SLMAP: variants seen among roughly 807,000 people sequenced by gnomAD.
The protein encoded by SLMAP is sarcolemmal membrane-associated protein.
SLMAP carries 44 observed loss-of-function variants against 128.8 expected under a neutral mutation model. The observed-to-expected ratio is 0.34, with a 90% CI of 0.27 to 0.44. The LOEUF is 0.44. Ranked by LOEUF, SLMAP falls within the 20% of genes least tolerant of loss-of-function variation. The pLI is 1.00. For missense variants in SLMAP, 787 were observed against 985.3 expected, an observed-to-expected ratio of 0.80 and a Z score of 2.69; for synonymous variants, 327 against 348.8, an observed-to-expected ratio of 0.94 and a Z score of 0.70.
chr3:57,792,866 G>A (rs746164693), intron 2 of SLMAP, among the ~76,000 whole-genome samples: 2 of 152,022 alleles, frequency 1.3e-5, no homozygotes, highest in African/African-American at 2.4e-5. Flanking sequence ...GACCGGGTGC[G>A]GTGACTCACA....
chr3:57,862,638 CAAA>C (rs752561093), intron 10 of SLMAP, among the ~76,000 whole-genome samples: 1 of 96,406 alleles, frequency 1.0e-5, no homozygotes, highest in Non-Finnish European at 2.0e-5. Context: ...CTTCGTCTCA[CAAA>C]AAAAAAAAAA....
chr3:57,862,253 G>A (rs1452544720), intron 10 of SLMAP, among the ~76,000 whole-genome samples, 167 bp downstream of exon 10: 3 of 151,864 alleles, frequency 2.0e-5, no homozygotes, highest in Non-Finnish European at 4.4e-5. Context: ...AGGAGACGGA[G>A]GTTGCAGCGA....
chr3:57,791,166 G>T (rs923207696), intron 2 of SLMAP, among the ~76,000 whole-genome samples: 45 of 152,086 alleles, frequency 3.0e-4, no homozygotes, highest in African/African-American at 1.0e-3. Context: ...GGCCAGCCTG[G>T]CCAACATGGC....
chr3:57,843,284 C>G (rs377317088), intron 4 of SLMAP, among the ~76,000 whole-genome samples: 1 of 87,032 alleles, frequency 1.1e-5, no homozygotes, highest in East Asian at 2.7e-4. Context: ...GTTTTGTTTT[C>G]TTTTTTCTTT....
intron 6 of SLMAP, among the ~76,000 whole-genome samples, chr3:57,854,057 T>C (rs1450176786): frequency 2.5e-5 from 2 of 81,072 alleles, no homozygotes; most frequent in African/African-American, 8.6e-5. Flanking sequence ...ACACATAACA[T>C]ATATAACACA....
intron 2 of SLMAP, among the ~76,000 whole-genome samples, chr3:57,784,285 G>A (rs1431449217): frequency 6.6e-6 from 1 of 152,136 alleles, no homozygotes; most frequent in East Asian, 1.9e-4. Context: ...ACTGAGTCTA[G>A]GAAAGCTATA....
chr3:57,802,731 T>C (rs1414678496), intron 2 of SLMAP, among the ~76,000 whole-genome samples: 3 of 152,234 alleles, frequency 2.0e-5, no homozygotes, highest in Non-Finnish European at 2.9e-5. Context: ...TTATTTCAGC[T>C]AGACTATATT....
chr3:57,848,427 T>C (rs941640478), intron 5 of SLMAP, among the ~76,000 whole-genome samples: 12 of 151,532 alleles, frequency 7.9e-5, no homozygotes, highest in African/African-American at 2.2e-4. Flanking sequence ...TCTTCTTCCT[T>C]CTTTTTTCTT....
At position 57,928,735 on chromosome 3, in the gene SLMAP, C is replaced by T. The variant is rs2097043834; in HGVS notation, c.*1446C>T. ...TTCTGTGGCAATCCACAGGTCTAGC[C>T]AAATATTGAAATAGGAGTTTAGGGT... is the stretch of plus-strand genomic sequence containing the variant. On this transcript the variant is annotated 3_prime_UTR_variant, in exon 25 of 25. Coordinates refer to ENST00000671191, the MANE Select transcript of SLMAP (RefSeq NM_001377540.1). 6.6e-6 allele frequency: 1 copy of T among 152,098 alleles called. No individual in the cohort carries two copies. Among genetic ancestry groups the T allele is most frequent in the African/African-American group, 2.4e-5 (1 of 41,412 alleles). 9.4% of individuals were successfully genotyped at this position (152,098 alleles called of 1,614,324 possible). A position where few individuals can be genotyped will look rare whatever the true frequency, so the allele number is the denominator to read the frequency against.
chr3:57,869,830 C>A (rs1337447401), intron 13 of SLMAP, among the ~76,000 whole-genome samples: 3 of 150,872 alleles, frequency 2.0e-5, no homozygotes, highest in Non-Finnish European at 1.5e-5. Context: ...CTTAGGACAT[C>A]TCAATTAGAG....
At chr3:57,923,713 T>C (rs1432776643) in intron 23 of SLMAP, among the ~76,000 whole-genome samples, 1 of 152,214 alleles carries the variant, frequency 6.6e-6, no homozygotes, top group African/African-American at 2.4e-5. Context: ...TTAAAACCAC[T>C]GTCATGGCTT....
At chr3:57,916,338 A>G (rs2096811468) in intron 21 of SLMAP, among the ~76,000 whole-genome samples, 1 of 152,078 alleles carries the variant, frequency 6.6e-6, no homozygotes, top group Non-Finnish European at 1.5e-5. Flanking sequence ...CTGAAAATGA[A>G]ATGTACCAGT....
At chr3:57,895,441 T>C (rs1575880996) in intron 15 of SLMAP, among the ~76,000 whole-genome samples, 2 of 152,096 alleles carry the variant, frequency 1.3e-5, no homozygotes, top group Non-Finnish European at 2.9e-5. Context: ...GTTCAAGCAA[T>C]TCTCTGCCTC....
intron 8 of SLMAP, among the ~76,000 whole-genome samples, chr3:57,858,551 G>C (rs1448479845): frequency 6.6e-6 from 1 of 152,120 alleles, no homozygotes; most frequent in Non-Finnish European, 1.5e-5. Context: ...ATGGTATTGT[G>C]TTCTTCCACC....
At chr3:57,906,332 T>TTTTTTTTTTTTTTTTTTTTTTTTTTTG in intron 17 of SLMAP, among the ~76,000 whole-genome samples, 1 of 137,032 alleles carries the variant, frequency 7.3e-6, no homozygotes, top group Non-Finnish European at 1.5e-5. Flanking sequence ...TTTTTTTTTT[T>TTTTTTTTTTTTTTTTTTTTTTTTTTTG]AGAGACACAG....
At chr3:57,864,936 A>G in intron 12 of SLMAP, 79 bp downstream of exon 12, 2 of 1,095,168 alleles carry the variant, frequency 1.8e-6, no homozygotes, top group Non-Finnish European at 2.6e-6. Flanking sequence ...CTCACACTGC[A>G]TTTTTTAAGG....
rs138781931 is a variant in SLMAP at position 57,795,679 on chromosome 3, A to C, written c.199-35704A>C. 7.5e-4 allele frequency among the ~76,000 whole-genome samples: 115 copies of C among 152,326 alleles called. 1 individual carries two copies. Among genetic ancestry groups the C allele is most frequent in the African/African-American group, 2.3e-3 (95 of 41,556 alleles). On this transcript the variant is annotated intron_variant, in intron 2 of 24. Coordinates refer to ENST00000671191, the MANE Select transcript of SLMAP (RefSeq NM_001377540.1). ...TGGTGTTGATTGTGGTAAAATATGCATAACATAAAATGTACCATTTGTACA... is the reference window on the plus strand; with the variant it reads ...TGGTGTTGATTGTGGTAAAATATGCCTAACATAAAATGTACCATTTGTACA...
At chr3:57,805,880 GT>G (rs983892569) in intron 2 of SLMAP, among the ~76,000 whole-genome samples, 1 of 151,952 alleles carries the variant, frequency 6.6e-6, no homozygotes, top group African/African-American at 2.4e-5. Flanking sequence ...GATGTTTCAA[GT>G]CCCCTCCCTA....
intron 14 of SLMAP, among the ~76,000 whole-genome samples, chr3:57,873,227 G>T (rs1288077954): frequency 1.3e-5 from 2 of 152,206 alleles, no homozygotes; most frequent in African/African-American, 2.4e-5. Flanking sequence ...ATTTGGCCGG[G>T]CATGGTGGCT....
Sources: allele counts gnomAD v4.1 joint callset (sites outside exome capture counted in the v4.1 genomes callset), GRCh38; gene constraint gnomAD v4.1.1; transcripts MANE v1.5; gene names NCBI Gene and HGNC (gene_info 2026-07-23, HGNC 2026-07-21).